The following CLIC6 variants were observed in gnomAD, a reference collection of about 807,000 sequenced individuals.
CLIC6 encodes CLIC family member 6, also known as chloride intracellular channel protein 6.
In CLIC6, 39 loss-of-function variants were observed where a neutral mutation model predicts 49.2. The observed-to-expected ratio is 0.79, with a 90% CI of 0.61 to 1.04. The LOEUF is 1.04. Ranked by LOEUF, CLIC6 falls within the 50% of genes least tolerant of loss-of-function variation. The pLI is 0.00. For missense variants in CLIC6, 988 were observed against 993.1 expected (o/e 0.99, Z 0.07); for synonymous variants, 446 against 433.4 (o/e 1.03, Z -0.36).
chr21:34,713,674 G>GA (rs949321666), intron 5 of CLIC6, among the ~76,000 whole-genome samples: 12 of 149,050 alleles, frequency 8.1e-5, no homozygotes, highest in South Asian at 6.4e-4. Context: ...AAAAGGAAAG[G>GA]AAAAAAAAAT....
intron 5 of CLIC6, among the ~76,000 whole-genome samples, chr21:34,712,386 T>C (rs576241024): frequency 6.6e-6 from 1 of 152,082 alleles, no homozygotes; most frequent in East Asian, 1.9e-4. Context: ...ACTTAAAGAG[T>C]AGGAAGCTTC....
At chr21:34,689,722 G>A (rs547278002) in intron 1 of CLIC6, among the ~76,000 whole-genome samples, 3 of 152,150 alleles carry the variant, frequency 2.0e-5, no homozygotes, top group Admixed American at 2.0e-4. Flanking sequence ...GCCCTGAGAC[G>A]CTGTGCAATG....
chr21:34,685,155 C>T (rs1989853073), intron 1 of CLIC6, among the ~76,000 whole-genome samples: 1 of 152,150 alleles, frequency 6.6e-6, no homozygotes, highest in Non-Finnish European at 1.5e-5. Flanking sequence ...TAGGATGCTG[C>T]AGTCCAGTAG....
chr21:34,699,774 A>G (rs1404816006), intron 1 of CLIC6, among the ~76,000 whole-genome samples: 2 of 152,192 alleles, frequency 1.3e-5, no homozygotes, highest in Non-Finnish European at 2.9e-5. Flanking sequence ...CGGAGGTTTA[A>G]TAGGCAAAAG....
chr21:34,687,311 G>A (rs1036085619), intron 1 of CLIC6, among the ~76,000 whole-genome samples: 8 of 152,130 alleles, frequency 5.3e-5, no homozygotes, highest in East Asian at 1.9e-4. Flanking sequence ...CTAAACCACC[G>A]GGATATATAA....
chr21:34,684,866 T>C (rs893324606), intron 1 of CLIC6, among the ~76,000 whole-genome samples: 7 of 152,206 alleles, frequency 4.6e-5, no homozygotes, highest in African/African-American at 1.7e-4. Context: ...GAGCAGCCCT[T>C]ATTTTTACAA....
intron 1 of CLIC6, among the ~76,000 whole-genome samples, chr21:34,680,465 A>G (rs987455128): frequency 1.3e-5 from 2 of 152,228 alleles, no homozygotes; most frequent in African/African-American, 4.8e-5. Flanking sequence ...TTGGTCATTA[A>G]CATTCAGCTC....
intron 1 of CLIC6, among the ~76,000 whole-genome samples, chr21:34,685,002 A>G (rs1321157583): frequency 6.6e-6 from 1 of 152,072 alleles, no homozygotes; most frequent in Non-Finnish European, 1.5e-5. Context: ...ATAAACCTAG[A>G]TTTTGCCTTC....
chr21:34,675,623 T>C (rs973181713), intron 1 of CLIC6, among the ~76,000 whole-genome samples: 2 of 152,152 alleles, frequency 1.3e-5, no homozygotes, highest in Non-Finnish European at 2.9e-5. Flanking sequence ...AGGTGGAGCA[T>C]GATGTTTTGC....
Position 34,669,644 on chromosome 21 carries a change from G to T in CLIC6, c.256G>T (p.Glu86Ter). The stretch of plus-strand genomic sequence containing the variant: ...GGGGGCGCACGGCGAGACTGAGGCC[G>T]AGGAGGGAGCCCCGGAGGGTGCCGA... ...TRGAHGETEA[E>*]EGAPEGAEVP... The change falls in exon 1 of 6, where the codon GAG (glutamate) becomes TAG (stop). Residue 86 changes from glutamate to a stop codon, truncating the protein, a stop_gained. Transcript: ENST00000349499. LOFTEE classifies it high-confidence loss of function. The T allele has an allele frequency of 7.6e-7, 1 of 1,312,154 alleles. No homozygotes were observed. The highest frequency in any genetic ancestry group is 2.2e-5 in the South Asian group (1 of 46,146). 81.3% of individuals were successfully genotyped at this position (1,312,154 alleles called of 1,614,324 possible). A position where few individuals can be genotyped will look rare whatever the true frequency, so the allele number is the denominator to read the frequency against.
intron 5 of CLIC6, among the ~76,000 whole-genome samples, chr21:34,714,698 A>C (rs566594839): frequency 3.8e-4 from 48 of 125,174 alleles, no homozygotes; most frequent in South Asian, 3.5e-3. Flanking sequence ...AAAACAAAAA[A>C]AAAAAAAAAA....
At position 34,708,781 on chromosome 21, in the gene CLIC6, A is replaced by C. The variant is rs2056035028; in HGVS notation, c.1692A>C (p.Lys564Asn). 1.2e-6 allele frequency: 2 copies of C among 1,613,844 alleles called. No individual in the cohort carries two copies. Among genetic ancestry groups the C allele is most frequent in the East Asian group, 4.5e-5 (2 of 44,884 alleles). ...TTGCCAAATTCTCAGCGTTTATAAA[A>C]AACACGAAGAAGGATGCAAATGAGA... The part of the protein sequence containing the change: ...DVFAKFSAFI[K>N]NTKKDANEIH... The change falls in exon 4 of 6, where the codon AAA becomes AAC. Residue 564 changes from lysine to asparagine, a missense_variant. Lys to Asn is a moderately conservative substitution (Grantham distance 94). Coordinates refer to ENST00000349499, the MANE Select transcript of CLIC6 (RefSeq NM_053277.3).
intron 4 of CLIC6, among the ~76,000 whole-genome samples, 187 bp downstream of exon 4, chr21:34,708,993 G>T (rs1022899665): frequency 5.3e-5 from 8 of 152,196 alleles, no homozygotes; most frequent in Non-Finnish European, 1.2e-4. Flanking sequence ...TTCTTTTGAG[G>T]CTGGGAACTC....
chr21:34,683,131 T>C (rs1352147335), intron 1 of CLIC6, among the ~76,000 whole-genome samples: 2 of 152,148 alleles, frequency 1.3e-5, no homozygotes, highest in African/African-American at 2.4e-5. Flanking sequence ...CTATTTTTAA[T>C]TAACAGGTAC....
At chr21:34,687,496 T>C (rs1989904679) in intron 1 of CLIC6, among the ~76,000 whole-genome samples, 1 of 152,260 alleles carries the variant, frequency 6.6e-6, no homozygotes, top group Admixed American at 6.5e-5. Flanking sequence ...TTTTAAAGCA[T>C]AATTCATATA....
At chr21:34,699,868 G>A (rs1035754816) in intron 1 of CLIC6, among the ~76,000 whole-genome samples, 31 of 152,190 alleles carry the variant, frequency 2.0e-4, no homozygotes, top group African/African-American at 7.5e-4. Context: ...GAAGTGCATG[G>A]GGTTTTATAG....
Position 34,669,935 on chromosome 21 carries a change from G to C in CLIC6, c.547G>C (p.Glu183Gln). Reference sequence around the variant, plus strand: ...CCCGGCGGGCGACAGCGTAGAGGCGGAGGGCCGGGTGGGGGACAGCGTAGA... The same window carrying C: ...CCCGGCGGGCGACAGCGTAGAGGCGCAGGGCCGGGTGGGGGACAGCGTAGA... ...EGPAGDSVEA[E>Q]GRVGDSVDAE... The change falls in exon 1 of 6, where the codon GAG (glutamate) becomes CAG (glutamine). Residue 183 changes from glutamate (E) to glutamine (Q), a missense_variant. Glu to Gln is a conservative substitution (Grantham distance 29, BLOSUM62 2). This residue lies in a region of CLIC6 where 284 missense variants were observed against 278.6 expected (regional missense o/e 1.02). Coordinates refer to ENST00000349499, the MANE Select transcript of CLIC6 (RefSeq NM_053277.3). The C allele has an allele frequency of 7.6e-7, 1 of 1,317,358 alleles. No individual in the cohort carries two copies. Among genetic ancestry groups the C allele is most frequent in the South Asian group, 1.7e-5 (1 of 59,938 alleles). 81.6% of individuals were successfully genotyped at this position (1,317,358 alleles called of 1,614,324 possible). A position where few individuals can be genotyped will look rare whatever the true frequency, so the allele number is the denominator to read the frequency against.
chr21:34,707,134 G>A, intron 1 of CLIC6, 146 bp from the exon 2 acceptor site: 5 of 674,904 alleles, frequency 7.4e-6, no homozygotes, highest in South Asian at 5.3e-5. Flanking sequence ...ACTCCACATT[G>A]AGGCTGGTAA....
At chr21:34,707,427 C>T (rs374620915) in intron 2 of CLIC6, 38 bp downstream of exon 2, 34 of 925,638 alleles carry the variant, frequency 3.7e-5, no homozygotes, top group Admixed American at 3.3e-4. Flanking sequence ...ATAACTGTAC[C>T]TAGTTCTCTG....
Sources: allele counts gnomAD v4.1 joint callset (sites outside exome capture counted in the v4.1 genomes callset), GRCh38; gene constraint gnomAD v4.1.1; regional missense constraint gnomAD v4.1.1; transcripts MANE v1.5; gene names NCBI Gene and HGNC (gene_info 2026-07-23, HGNC 2026-07-21).